The following ARFGEF1 variants were observed in gnomAD, a reference collection of about 807,000 sequenced individuals.
ARFGEF1 encodes ARF guanine nucleotide exchange factor 1, also known as brefeldin A-inhibited guanine nucleotide-exchange protein 1.
Under a neutral mutation model 231.0 loss-of-function variants are expected in ARFGEF1, and 42 were observed. The observed-to-expected ratio is 0.18, with a 90% CI of 0.14 to 0.24. ARFGEF1 has a LOEUF of 0.24. Ranked by LOEUF, ARFGEF1 falls within the 10% of genes least tolerant of loss-of-function variation. ARFGEF1 has a pLI of 1.00. For synonymous variants in ARFGEF1, 710 were observed against 732.3 expected (o/e 0.97, Z 0.49); for missense variants, 1,345 against 2,192.0 (o/e 0.61, Z 7.72).
downstream of ARFGEF1, among the ~76,000 whole-genome samples, chr8:67,194,987 A>G (rs1368821225): frequency 1.3e-5 from 2 of 151,656 alleles, no homozygotes; most frequent in African/African-American, 2.4e-5. Context: ...AAAAAAATAA[A>G]AAGAAAAAAG....
intron 29 of ARFGEF1, 152 bp from the exon 30 acceptor site, chr8:67,219,712 G>A (rs954073530): frequency 1.3e-6 from 1 of 747,238 alleles, no homozygotes; most frequent in Non-Finnish European, 2.0e-6. Context: ...AATTTAAGTT[G>A]TAAGAACAAC....
At chr8:67,220,900 T>TTC (rs1331713643) in intron 29 of ARFGEF1, among the ~76,000 whole-genome samples, 3 of 150,690 alleles carry the variant, frequency 2.0e-5, no homozygotes, top group South Asian at 4.2e-4. Context: ...TCCTTTTCTT[T>TTC]TTTTTTTTTT....
intron 14 of ARFGEF1, among the ~76,000 whole-genome samples, chr8:67,260,538 T>A (rs1181511813): frequency 6.6e-6 from 1 of 152,182 alleles, no homozygotes; most frequent in Non-Finnish European, 1.5e-5. Context: ...ACAAACCACG[T>A]CCATATAAGA....
chr8:67,266,259 A>T (rs751648365), intron 13 of ARFGEF1, 52 bp from the exon 14 acceptor site: 178 of 1,455,708 alleles, frequency 1.2e-4, no homozygotes, highest in Non-Finnish European at 1.6e-4. Context: ...GAAAAAAAAA[A>T]GTGTAAGGGC....
rs1011090749 is a variant in ARFGEF1 at position 67,297,220 on chromosome 8, G to A, written c.460-610C>T. 2.0e-5 allele frequency among the ~76,000 whole-genome samples: 3 copies of A among 152,146 alleles called. 1 individual carries two copies. The highest frequency in any genetic ancestry group is 7.2e-5 in the African/African-American group (3 of 41,430). Reference sequence around the variant, plus strand: ...TTTAACTTACTAAAATGCACAGCATGAAAGCTGTTACAGCAGAGCACAGAT... The same window carrying A: ...TTTAACTTACTAAAATGCACAGCATAAAAGCTGTTACAGCAGAGCACAGAT... On this transcript the variant is annotated intron_variant, in intron 4 of 38. Coordinates refer to ENST00000262215, the MANE Select transcript of ARFGEF1 (RefSeq NM_006421.5).
At chr8:67,199,302 T>C in intron 38 of ARFGEF1, 1 of 502,150 alleles carries the variant, frequency 2.0e-6, no homozygotes, top group Non-Finnish European at 3.4e-6. Flanking sequence ...TACATATCCT[T>C]ATTTTGAAAA....
At chr8:67,331,640 AG>A (rs1337002748) in intron 1 of ARFGEF1, among the ~76,000 whole-genome samples, 1 of 152,368 alleles carries the variant, frequency 6.6e-6, no homozygotes, top group African/African-American at 2.4e-5. Flanking sequence ...CAAGAAAAAA[AG>A]GATGAAAAAT....
chr8:67,321,232 G>A (rs1807576643), intron 1 of ARFGEF1, among the ~76,000 whole-genome samples: 1 of 152,148 alleles, frequency 6.6e-6, no homozygotes, highest in Non-Finnish European at 1.5e-5. Flanking sequence ...AAATCTTCAT[G>A]TGTGTTAAAA....
At chr8:67,297,141 A>C (rs1360517459) in intron 4 of ARFGEF1, among the ~76,000 whole-genome samples, 1 of 152,192 alleles carries the variant, frequency 6.6e-6, no homozygotes, top group Non-Finnish European at 1.5e-5. Context: ...ACATAATCTG[A>C]AAACCATTTA....
intron 1 of ARFGEF1, among the ~76,000 whole-genome samples, chr8:67,318,383 G>A (rs1807426211): frequency 6.6e-6 from 1 of 151,918 alleles, no homozygotes; most frequent in Non-Finnish European, 1.5e-5. Flanking sequence ...ATGATAAACA[G>A]TAGCTACACA....
At chr8:67,337,150 A>C (rs1340541052) in intron 1 of ARFGEF1, among the ~76,000 whole-genome samples, 1 of 151,686 alleles carries the variant, frequency 6.6e-6, no homozygotes, top group East Asian at 1.9e-4. Context: ...AAAAAAAAAA[A>C]ACAGACAAAA....
At chr8:67,301,787 T>C (rs376944537) in intron 2 of ARFGEF1, among the ~76,000 whole-genome samples, 1 of 152,210 alleles carries the variant, frequency 6.6e-6, no homozygotes, top group East Asian at 1.9e-4. Flanking sequence ...GCCAACACTA[T>C]CAAAAAACCT....
chr8:67,301,978 G>A (rs1267628344), intron 2 of ARFGEF1, among the ~76,000 whole-genome samples: 2 of 152,076 alleles, frequency 1.3e-5, no homozygotes, highest in Non-Finnish European at 2.9e-5. Flanking sequence ...AAGCCGAGGT[G>A]CGTGGGTCAC....
intron 19 of ARFGEF1, among the ~76,000 whole-genome samples, chr8:67,247,882 T>TA (rs1840155088): frequency 6.7e-6 from 1 of 150,348 alleles, no homozygotes; most frequent in Admixed American, 6.6e-5. Flanking sequence ...AAAATCAACA[T>TA]ACAAAATTCA....
At position 67,271,940 on chromosome 8, in the gene ARFGEF1, A is replaced by G. The variant is rs749512097; in HGVS notation, c.1338-4T>C. ...CTTGGATCGTAGTTCATGAGACCTAAAATGTAAAAAAGAAGGCATAGTATA... is the reference window on the plus strand; with the variant it reads ...CTTGGATCGTAGTTCATGAGACCTAGAATGTAAAAAAGAAGGCATAGTATA... On this transcript the variant is annotated splice_region_variant and splice_polypyrimidine_tract_variant and intron_variant, in intron 9 of 38. Transcript: ENST00000262215. 21 of 1,584,128 alleles carry G rather than the reference A, an allele frequency of 1.3e-5. No individual in the cohort carries two copies. The highest frequency in any genetic ancestry group is 2.6e-6 in the Non-Finnish European group (3 of 1,161,326).
At chr8:67,196,263 A>ATCT (rs1837918362), downstream of ARFGEF1, 1 of 152,204 alleles carries the variant, frequency 6.6e-6, no homozygotes, top group Non-Finnish European at 1.5e-5. Flanking sequence ...AATTACTAAA[A>ATCT]TCTTTTTAAC....
chr8:67,259,969 C>T (rs1322827392), intron 14 of ARFGEF1, 43 bp from the exon 15 acceptor site: 9 of 1,361,380 alleles, frequency 6.6e-6, no homozygotes, highest in African/African-American at 1.5e-5. Flanking sequence ...GAAAACCATT[C>T]GTAGTCCCTG....
intron 7 of ARFGEF1, 48 bp downstream of exon 7, chr8:67,287,907 A>G: frequency 7.6e-7 from 1 of 1,307,974 alleles, no homozygotes; most frequent in Non-Finnish European, 1.0e-6. Context: ...CCACAGTCAG[A>G]TGAAATCCCA....
intron 22 of ARFGEF1, among the ~76,000 whole-genome samples, chr8:67,234,287 A>T (rs942623431): frequency 6.6e-6 from 1 of 152,184 alleles, no homozygotes; most frequent in African/African-American, 2.4e-5. Context: ...TTTATAATGA[A>T]CTTCAATGCA....
Sources: allele counts gnomAD v4.1 joint callset (sites outside exome capture counted in the v4.1 genomes callset), GRCh38; gene constraint gnomAD v4.1.1; transcripts MANE v1.5; gene names NCBI Gene and HGNC (gene_info 2026-07-23, HGNC 2026-07-21).